Variants in SLC36A3 observed in about 807,000 individuals in gnomAD.
SLC36A3 encodes the protein solute carrier family 36 member 3.
In SLC36A3, 35 loss-of-function variants were observed where a neutral mutation model predicts 44.3. The observed-to-expected ratio is 0.79, with a 90% CI of 0.60 to 1.05. SLC36A3 has a LOEUF of 1.05. Ranked by LOEUF, SLC36A3 falls within the 50% of genes least tolerant of loss-of-function variation. The probability of loss-of-function intolerance (pLI) is 0.00; values close to 1 mark genes in which losing one functional copy is unlikely to be tolerated. For missense variants in SLC36A3, 540 were observed against 578.7 expected, an observed-to-expected ratio of 0.93 and a Z score of 0.69; for synonymous variants, 211 against 227.6, an observed-to-expected ratio of 0.93 and a Z score of 0.66.
rs1342982500 is a variant in SLC36A3 at position 151,299,262 on chromosome 5, CTCTATATA to C, written c.129-587_129-580del. On this transcript the variant is annotated intron_variant, in intron 1 of 9. Coordinates refer to ENST00000335230, the MANE Select transcript of SLC36A3 (RefSeq NM_181774.4). ...TCTCTCTCTCTCTCTCTCTCTCTCTCTCTATATATATATATATATATATATATATGAAA... is the reference window on the plus strand; with the variant it reads ...TCTCTCTCTCTCTCTCTCTCTCTCTCTATATATATATATATATATATGAAA... 5.2e-3 allele frequency among the ~76,000 whole-genome samples: 333 copies of C among 64,418 alleles called. 1 individual carries two copies. The highest frequency in any genetic ancestry group is 0.019 in the African/African-American group (300 of 16,124). 42.3% of individuals were successfully genotyped at this position (64,418 alleles called of 152,430 possible).
At chr5:151,290,172 A>G (rs1754704440) in intron 4 of SLC36A3, among the ~76,000 whole-genome samples, 1 of 152,074 alleles carries the variant, frequency 6.6e-6, no homozygotes. Flanking sequence ...AAATTTGGAG[A>G]TGCATTTTTC....
Position 151,277,252 on chromosome 5 carries a change from T to C in SLC36A3, c.*141A>G, listed in dbSNP as rs759447719. 8.4e-6 allele frequency: 10 copies of C among 1,185,170 alleles called. No homozygotes were observed. Among genetic ancestry groups the C allele is most frequent in the Non-Finnish European group, 1.2e-5 (10 of 852,034 alleles). 73.4% of individuals were successfully genotyped at this position (1,185,170 alleles called of 1,614,324 possible). A position where few individuals can be genotyped will look rare whatever the true frequency, so the allele number is the denominator to read the frequency against. On this transcript the variant is annotated 3_prime_UTR_variant, in exon 10 of 10. Coordinates refer to ENST00000335230, the MANE Select transcript of SLC36A3 (RefSeq NM_181774.4). ...TGAGAGACATCAGTGCTAACTTTTC[T>C]CATCTGCATTTCTCTTGGAAAGATA...
chr5:151,277,676 G>A lies in SLC36A3; in HGVS notation c.1145-15C>T. ...GGCTGAGACACCTGCAATGAAAGGAGATATTTAGAATCACTGAATGTGCTC... is the reference window on the plus strand; with the variant it reads ...GGCTGAGACACCTGCAATGAAAGGAAATATTTAGAATCACTGAATGTGCTC... On this transcript the variant is annotated splice_polypyrimidine_tract_variant and intron_variant, in intron 9 of 9. Coordinates refer to ENST00000335230, the MANE Select transcript of SLC36A3 (RefSeq NM_181774.4). The A allele has an allele frequency of 1.2e-6, 2 of 1,611,498 alleles. No homozygotes were observed. The highest frequency in any genetic ancestry group is 1.7e-6 in the Non-Finnish European group (2 of 1,178,826).
At chr5:151,279,277 T>C (rs1199691101) in intron 9 of SLC36A3, among the ~76,000 whole-genome samples, 2 of 152,218 alleles carry the variant, frequency 1.3e-5, no homozygotes, top group Non-Finnish European at 2.9e-5. Context: ...ATATGGTGCA[T>C]TATCATGTCC....
At chr5:151,303,069 A>G (rs1755218888) in intron 1 of SLC36A3, among the ~76,000 whole-genome samples, 158 bp downstream of exon 1, 1 of 152,218 alleles carries the variant, frequency 6.6e-6, no homozygotes, top group Non-Finnish European at 1.5e-5. Context: ...AGCCACAGGG[A>G]TTGACCTCCT....
At chr5:151,301,099 A>T (rs1364950216) in intron 1 of SLC36A3, among the ~76,000 whole-genome samples, 1 of 152,258 alleles carries the variant, frequency 6.6e-6, no homozygotes, top group Non-Finnish European at 1.5e-5. Flanking sequence ...AGACAGCGAA[A>T]GAAATCAGAC....
At position 151,284,637 on chromosome 5, in the gene SLC36A3, G is replaced by C. The variant is rs921503025; in HGVS notation, c.783C>G (p.Ile261Met). 1.2e-6 allele frequency: 2 copies of C among 1,612,074 alleles called. No homozygotes were observed. Among genetic ancestry groups the C allele is most frequent in the Non-Finnish European group, 1.7e-6 (2 of 1,178,584 alleles). The change falls in exon 7 of 10, where the codon ATC (isoleucine) becomes ATG (methionine). Residue 261 changes from isoleucine (I) to methionine (M), a missense_variant. Transcript: ENST00000335230. ...KTFLLFFGTA[I>M]FTFEGVGMVL... Reference sequence around the variant, plus strand: ...CCATACCGACGCCTTCAAATGTGAAGATGGCTGTACCAAAGAACAGCAAGA... The same window carrying C: ...CCATACCGACGCCTTCAAATGTGAACATGGCTGTACCAAAGAACAGCAAGA...
At chr5:151,295,040 G>GA (rs987337505) in intron 3 of SLC36A3, among the ~76,000 whole-genome samples, 11 of 148,570 alleles carry the variant, frequency 7.4e-5, no homozygotes, top group Admixed American at 4.7e-4. Flanking sequence ...CTCTATATTA[G>GA]AAAAAATAAA....
In SLC36A3 at chr5:151,281,021, A is replaced by T. The variant is rs752289271; in HGVS notation, c.1137T>A (p.Cys379Ter). ...VDLSVRSALVCLTCVSAILIP... is the reference protein window; with the variant it reads ...VDLSVRSALV The stretch of plus-strand genomic sequence containing the variant: ...CCCTTTTATGCTACTCACAGGTTAG[A>T]CAGACCAAGGCTGAGCGGACAGACA... The change falls in exon 9 of 10, where the codon TGT becomes TGA. Residue 379 changes from cysteine (C) to a stop codon, truncating the protein, a stop_gained. Coordinates refer to ENST00000335230, the MANE Select transcript of SLC36A3 (RefSeq NM_181774.4). LOFTEE classifies it high-confidence loss of function. 6.2e-7 allele frequency: 1 copy of T among 1,614,160 alleles called. No homozygotes were observed.
chr5:151,303,200 G>A (rs1415176630), intron 1 of SLC36A3, 27 bp downstream of exon 1: 16 of 1,601,456 alleles, frequency 1.0e-5, no homozygotes, highest in Non-Finnish European at 1.3e-5. Flanking sequence ...TTGACCTCAG[G>A]CCTGGAAGGG....
Position 151,303,511 on chromosome 5 carries a change from C to G in SLC36A3, c.-157G>C, listed in dbSNP as rs752178691. 1.4e-6 allele frequency: 1 copy of G among 720,694 alleles called. No homozygotes were observed. Among genetic ancestry groups the G allele is most frequent in the Non-Finnish European group, 2.2e-6 (1 of 456,450 alleles). The allele number at this position is 720,694 out of a possible 1,614,324, so 44.6% of individuals were successfully genotyped here. A position where few individuals can be genotyped will look rare whatever the true frequency, so the allele number is the denominator to read the frequency against. On this transcript the variant is annotated 5_prime_UTR_variant, in exon 1 of 10. Transcript: ENST00000335230. ...TGGCTGAAGCCTGAAGTGCATGAAT[C>G]AGGGAAGCGGTGGTGGCAGGAGAGG...
At chr5:151,298,541 C>G in intron 2 of SLC36A3, 52 bp downstream of exon 2, 1 of 1,579,184 alleles carries the variant, frequency 6.3e-7, no homozygotes, top group East Asian at 2.2e-5. Context: ...GGACCTATCA[C>G]CCCCTTCTGC....
In SLC36A3 at chr5:151,287,294, G is replaced by A; in HGVS notation, c.660C>T (p.Asn220=). 2 of 1,614,184 alleles carry A rather than the reference G, an allele frequency of 1.2e-6. No homozygotes were observed. The highest frequency in any genetic ancestry group is 2.7e-5 in the African/African-American group (2 of 75,036). The part of the protein sequence containing the change: ...KVLSVFSTLA[N]ITTLGSMALI... ...GAGCCATGCTCCCAAGGGTGGTGAT[G>A]TTGGCCAATGTCGAGAAGACGGACA... is the stretch of plus-strand genomic sequence containing the variant. The change falls in exon 6 of 10, where the codon AAC becomes AAT. Residue 220 remains asparagine (N), a synonymous_variant. Transcript: ENST00000335230.
At chr5:151,302,833 T>C (rs758006374) in intron 1 of SLC36A3, among the ~76,000 whole-genome samples, 2 of 151,884 alleles carry the variant, frequency 1.3e-5, no homozygotes, top group Non-Finnish European at 2.9e-5. Context: ...GCACCTTTTG[T>C]TTTCTGGATG....
chr5:151,293,129 C>T (rs1754819605), intron 4 of SLC36A3, among the ~76,000 whole-genome samples: 1 of 152,098 alleles, frequency 6.6e-6, no homozygotes, highest in South Asian at 2.1e-4. Context: ...CATTCACACA[C>T]ATATATTGAT....
intron 8 of SLC36A3, among the ~76,000 whole-genome samples, chr5:151,283,713 AT>A (rs1479301965): frequency 1.3e-5 from 2 of 152,228 alleles, no homozygotes; most frequent in African/African-American, 2.4e-5. Context: ...ACGCTCATGA[AT>A]GCTTACCACG....
chr5:151,291,389 TTTG>T (rs1192834017), intron 4 of SLC36A3, among the ~76,000 whole-genome samples: 1 of 152,264 alleles, frequency 6.6e-6, no homozygotes, highest in African/African-American at 2.4e-5. Context: ...CACATTGTAT[TTTG>T]TTAAGTCTCT....
At position 151,281,024 on chromosome 5, in the gene SLC36A3, G is replaced by A; in HGVS notation, c.1134C>T (p.Val378=). 1 of 1,614,178 alleles carries A rather than the reference G, an allele frequency of 6.2e-7. No homozygotes were observed. Among genetic ancestry groups the A allele is most frequent in the Non-Finnish European group, 8.5e-7 (1 of 1,180,022 alleles). The change falls in exon 9 of 10, where the codon GTC becomes GTT. Residue 378 remains valine, a synonymous_variant. Transcript: ENST00000335230. ...TTTTATGCTACTCACAGGTTAGACA[G>A]ACCAAGGCTGAGCGGACAGACAGGT... ...FVDLSVRSAL[V]CLTCVSAILI...
chr5:151,289,180 T>C (rs1254754050), intron 4 of SLC36A3: 1 of 152,372 alleles, frequency 6.6e-6, no homozygotes, highest in African/African-American at 2.4e-5. Context: ...ATATACAGTT[T>C]CTATTTTATA....
Sources: allele counts gnomAD v4.1 joint callset (sites outside exome capture counted in the v4.1 genomes callset), GRCh38; gene constraint gnomAD v4.1.1; transcripts MANE v1.5; gene names NCBI Gene and HGNC (gene_info 2026-07-23, HGNC 2026-07-21).